Variants in CHRM3 observed in about 807,000 individuals in gnomAD.
The protein encoded by CHRM3 is cholinergic receptor muscarinic 3.
CHRM3 carries 11 observed loss-of-function variants against 41.8 expected under a neutral mutation model. The observed-to-expected ratio is 0.26, with a 90% confidence interval of 0.17 to 0.44. CHRM3 has a LOEUF of 0.44. CHRM3 is among the 20% of genes least tolerant of loss of function. CHRM3 has a pLI of 1.00. For missense variants in CHRM3, 571 were observed against 745.4 expected (o/e 0.77, Z 2.72); for synonymous variants, 297 against 301.4 (o/e 0.99, Z 0.15).
At chr1:239,881,118 C>T (rs1303511052) in intron 6 of CHRM3, among the ~76,000 whole-genome samples, 1 of 151,280 alleles carries the variant, frequency 6.6e-6, no homozygotes, top group Non-Finnish European at 1.5e-5. Flanking sequence ...CCCGTCTCTA[C>T]AAAAAATACA....
At chr1:239,526,721 T>G (rs1469866919) in intron 2 of CHRM3, among the ~76,000 whole-genome samples, 1 of 152,218 alleles carries the variant, frequency 6.6e-6, no homozygotes, top group African/African-American at 2.4e-5. Context: ...CTTTCTTACA[T>G]CTTATTTTCC....
rs74317173 is a variant in CHRM3, at chr1:239,587,906, T to C, written c.-313+42157T>C. Among the ~76,000 whole-genome samples the C allele has an allele frequency of 9.9e-3, 1,512 of 152,350 alleles. 49 individuals carry two copies. Among genetic ancestry groups the C allele is most frequent in the East Asian group, 0.076 (392 of 5,182 alleles). The stretch of plus-strand genomic sequence containing the variant: ...CTGGTTTTCTCACATATGCTAATTA[T>C]ACTTTTATTAGACCAGTAAACAAAC... On this transcript the variant is annotated intron_variant, in intron 3 of 6. Transcript: ENST00000676153.
intron 1 of CHRM3, among the ~76,000 whole-genome samples, chr1:239,389,612 A>T (rs1658844603): frequency 6.6e-6 from 1 of 152,382 alleles, no homozygotes; most frequent in African/African-American, 2.4e-5. Context: ...AAATTGGCAG[A>T]CATAGAATTT....
At chr1:239,752,039 A>C (rs1373668106) in intron 5 of CHRM3, among the ~76,000 whole-genome samples, 2 of 152,160 alleles carry the variant, frequency 1.3e-5, no homozygotes, top group Non-Finnish European at 2.9e-5. Flanking sequence ...GCATAAGTTT[A>C]TGTATTGTTT....
At chr1:239,830,469 C>T (rs1558160778) in intron 6 of CHRM3, among the ~76,000 whole-genome samples, 2 of 151,974 alleles carry the variant, frequency 1.3e-5, no homozygotes, top group East Asian at 1.9e-4. Flanking sequence ...TTTGGGAGGC[C>T]GAGGCGGGCG....
chr1:239,729,819 T>A (rs1037355424), intron 5 of CHRM3, among the ~76,000 whole-genome samples: 5 of 151,964 alleles, frequency 3.3e-5, no homozygotes, highest in African/African-American at 1.2e-4. Flanking sequence ...GTGAAAACTT[T>A]ATAGAAATGG....
intron 3 of CHRM3, among the ~76,000 whole-genome samples, chr1:239,595,227 G>C (rs1319297113): frequency 6.6e-6 from 1 of 152,176 alleles, no homozygotes; most frequent in African/African-American, 2.4e-5. Context: ...AGTTAATCTG[G>C]AGATTATTTA....
chr1:239,869,707 A>G (rs1484434463), intron 6 of CHRM3, among the ~76,000 whole-genome samples: 1 of 152,188 alleles, frequency 6.6e-6, no homozygotes, highest in East Asian at 1.9e-4. Flanking sequence ...ATTGCCCCTG[A>G]TTAAGTATTA....
intron 5 of CHRM3, among the ~76,000 whole-genome samples, chr1:239,770,259 C>G (rs1043020085): frequency 6.6e-6 from 1 of 152,170 alleles, no homozygotes; most frequent in Middle Eastern, 3.2e-3. Flanking sequence ...GCTCCAAGAT[C>G]AGTGGGTGGG....
chr1:239,532,825 A>G (rs1404413421), intron 2 of CHRM3, among the ~76,000 whole-genome samples: 2 of 152,316 alleles, frequency 1.3e-5, no homozygotes, highest in East Asian at 1.9e-4. Flanking sequence ...ATCACCTCTA[A>G]GGAAATGAGA....
intron 2 of CHRM3, among the ~76,000 whole-genome samples, chr1:239,493,972 T>C (rs533212954): frequency 6.0e-4 from 91 of 152,306 alleles, no homozygotes; most frequent in Non-Finnish European, 9.8e-4. Context: ...TGAACATTAC[T>C]ACTCCTTGCA....
At chr1:239,450,311 T>C (rs1014665969) in intron 1 of CHRM3, among the ~76,000 whole-genome samples, 2 of 152,218 alleles carry the variant, frequency 1.3e-5, no homozygotes, top group Admixed American at 6.5e-5. Context: ...TCATTAGCAT[T>C]TTGCCATATT....
At chr1:239,836,382 T>A (rs958115142) in intron 6 of CHRM3, among the ~76,000 whole-genome samples, 2 of 151,802 alleles carry the variant, frequency 1.3e-5, no homozygotes, top group African/African-American at 4.9e-5. Context: ...CATTTTCTGT[T>A]TTTGTTTTTT....
At chr1:239,710,020 C>G (rs1181494618) in intron 5 of CHRM3, among the ~76,000 whole-genome samples, 3 of 152,122 alleles carry the variant, frequency 2.0e-5, no homozygotes, top group Non-Finnish European at 4.4e-5. Flanking sequence ...AGGAAGGACA[C>G]TGATTGTGAT....
At chr1:239,599,691 G>A (rs1315766368) in intron 3 of CHRM3, among the ~76,000 whole-genome samples, 2 of 152,110 alleles carry the variant, frequency 1.3e-5, no homozygotes, top group African/African-American at 4.8e-5. Context: ...AAATATCATA[G>A]CTTAGCCTAG....
At chr1:239,485,280 GTA>G (rs1667112902) in intron 1 of CHRM3, among the ~76,000 whole-genome samples, 1 of 152,072 alleles carries the variant, frequency 6.6e-6, no homozygotes, top group African/African-American at 2.4e-5. Flanking sequence ...CATGAACAGG[GTA>G]TAATACTGGC....
At chr1:239,896,909 AC>A (rs1679053196) in intron 6 of CHRM3, among the ~76,000 whole-genome samples, 1 of 152,290 alleles carries the variant, frequency 6.6e-6, no homozygotes, top group Non-Finnish European at 1.5e-5. Context: ...CATGAAAAAG[AC>A]CTTGCTGTAA....
At chr1:239,388,773 C>T (rs1658763121) in intron 1 of CHRM3, among the ~76,000 whole-genome samples, 1 of 152,224 alleles carries the variant, frequency 6.6e-6, no homozygotes, top group Non-Finnish European at 1.5e-5. Context: ...CCTGCTTCTT[C>T]AGTGTGCATT....
chr1:239,881,666 T>A lies in CHRM3; in HGVS notation c.-19-25767T>A, dbSNP rs185506847. Among the ~76,000 whole-genome samples the A allele has an allele frequency of 7.0e-4, 106 of 152,312 alleles. 2 individuals are homozygous for A. Among genetic ancestry groups the A allele is most frequent in the African/African-American group, 2.0e-3 (83 of 41,578 alleles). ...CCCACACTCAGCCATCTGCTTCCTA[T>A]GCCCTTTGAATAACTATTTAAAGTA... On this transcript the variant is annotated intron_variant, in intron 6 of 6. Coordinates refer to ENST00000676153, the MANE Select transcript of CHRM3 (RefSeq NM_001375978.1).
Sources: allele counts gnomAD v4.1 joint callset (sites outside exome capture counted in the v4.1 genomes callset), GRCh38; gene constraint gnomAD v4.1.1; transcripts MANE v1.5; gene names NCBI Gene and HGNC (gene_info 2026-07-23, HGNC 2026-07-21).